Variants in SLC44A5 observed in about 807,000 individuals in gnomAD.
The protein encoded by SLC44A5 is solute carrier family 44 member 5, also known as choline transporter-like protein 5.
In SLC44A5, 57 loss-of-function variants were observed where a neutral mutation model predicts 101.8. The observed-to-expected ratio is 0.56, with a 90% CI of 0.45 to 0.70. SLC44A5 has a LOEUF of 0.70. Among genes scored for constraint, SLC44A5 ranks in the 30% least tolerant of loss-of-function variants. The pLI is 0.00. For missense variants in SLC44A5, 737 were observed against 853.1 expected (o/e 0.86, Z 1.70); for synonymous variants, 281 against 290.9 (o/e 0.97, Z 0.35).
At chr1:75,577,290 C>A (rs1336168118) in intron 1 of SLC44A5, among the ~76,000 whole-genome samples, 1 of 152,218 alleles carries the variant, frequency 6.6e-6, no homozygotes, top group African/African-American at 2.4e-5. Flanking sequence ...TTTTCTCAAA[C>A]CATTCATTAA....
intron 3 of SLC44A5, among the ~76,000 whole-genome samples, chr1:75,388,373 G>C (rs1661544924): frequency 6.6e-6 from 1 of 151,418 alleles, no homozygotes; most frequent in Non-Finnish European, 1.5e-5. Flanking sequence ...TAAGTACATA[G>C]TCCACAGAAC....
the SLC44A5 span, among the ~76,000 whole-genome samples, chr1:75,624,309 A>G: frequency 1.6e-4 from 25 of 152,326 alleles, no homozygotes; most frequent in Non-Finnish European, 2.8e-4. Context: ...AAGAAATGAT[A>G]GAATTACAAA....
At chr1:75,357,966 T>A (rs1049439460) in intron 3 of SLC44A5, among the ~76,000 whole-genome samples, 5 of 151,806 alleles carry the variant, frequency 3.3e-5, no homozygotes, top group African/African-American at 1.2e-4. Context: ...GTTTTTGCAC[T>A]AGTCTGTTTC....
At chr1:75,534,950 ATATTAAAATCACCTC>A (rs1383628170) in intron 2 of SLC44A5, among the ~76,000 whole-genome samples, 1 of 152,214 alleles carries the variant, frequency 6.6e-6, no homozygotes, top group East Asian at 1.9e-4. Context: ...CAGCTTCTAA[ATATTAAAATCACCTC>A]TATAATGCAG....
rs978454141 is a variant in SLC44A5, at chr1:75,329,331, A to G, written c.101+10251T>C. Among the ~76,000 whole-genome samples the G allele has an allele frequency of 2.0e-5, 3 of 152,090 alleles. No individual in the cohort carries two copies. The East Asian group carries it at 5.8e-4, about 29-fold the overall frequency. ...TCTCAGCATCTGACCCCAAGAACCC[A>G]ATCTGCAACACATACCTCCATGAAT... is the stretch of plus-strand genomic sequence containing the variant. On this transcript the variant is annotated intron_variant, in intron 4 of 23. Transcript: ENST00000370859.
At chr1:75,243,052 C>A in intron 7 of SLC44A5, 41 bp from the exon 8 acceptor site, 1 of 1,563,496 alleles carries the variant, frequency 6.4e-7, no homozygotes, top group Non-Finnish European at 8.6e-7. Flanking sequence ...CTGAGTTGAA[C>A]AAACCCAGGA....
chr1:75,230,166 G>A (rs1177022690), intron 12 of SLC44A5, among the ~76,000 whole-genome samples: 2 of 151,974 alleles, frequency 1.3e-5, no homozygotes, highest in Non-Finnish European at 2.9e-5. Flanking sequence ...TCTTCTTCAT[G>A]TATGCCTGGA....
chr1:75,449,551 C>T (rs1665775966), intron 2 of SLC44A5, among the ~76,000 whole-genome samples: 1 of 152,128 alleles, frequency 6.6e-6, no homozygotes, highest in Non-Finnish European at 1.5e-5. Context: ...TCTCCTACAG[C>T]TCTCCCATGC....
chr1:75,569,836 T>TC (rs1672980652), intron 1 of SLC44A5, among the ~76,000 whole-genome samples: 1 of 152,170 alleles, frequency 6.6e-6, no homozygotes, highest in East Asian at 1.9e-4. Context: ...GACCTTGAGA[T>TC]AAGGATTCTA....
At chr1:75,643,629 G>A in the SLC44A5 span, among the ~76,000 whole-genome samples, 1 of 152,160 alleles carries the variant, frequency 6.6e-6, no homozygotes, top group African/African-American at 2.4e-5. Context: ...ATGGGGGCAG[G>A]TTTTTCCCAT....
chr1:75,632,241 C>T, the SLC44A5 span, among the ~76,000 whole-genome samples: 1 of 152,168 alleles, frequency 6.6e-6, no homozygotes, highest in Non-Finnish European at 1.5e-5. Flanking sequence ...TCAGTACAGA[C>T]TTGAGCTCTT....
intron 12 of SLC44A5, among the ~76,000 whole-genome samples, chr1:75,228,405 T>C (rs1473853819): frequency 1.3e-5 from 2 of 152,140 alleles, no homozygotes; most frequent in African/African-American, 4.8e-5. Context: ...TAGTATATTC[T>C]TTCCATCCCT....
chr1:75,463,707 A>G (rs1164996977), intron 2 of SLC44A5, among the ~76,000 whole-genome samples: 2 of 152,212 alleles, frequency 1.3e-5, no homozygotes, highest in Admixed American at 1.3e-4. Flanking sequence ...AAGAAATGTT[A>G]AAGGGAGTAC....
chr1:75,527,603 C>T lies in SLC44A5; in HGVS notation c.13+13832G>A, dbSNP rs563808174. Among the ~76,000 whole-genome samples the T allele has an allele frequency of 3.9e-5, 6 of 152,234 alleles. No homozygotes were observed. In the South Asian group the frequency reaches 1.2e-3, roughly 32 times the overall value. ...TGGCTCTGTATGAGAATTCAGATTT[C>T]TTGATTTCTTTACCACCTATTGATT... On this transcript the variant is annotated intron_variant, in intron 2 of 23. Coordinates refer to ENST00000370859, the MANE Select transcript of SLC44A5 (RefSeq NM_001130058.2).
chr1:75,555,975 C>A (rs1403242465), intron 1 of SLC44A5, among the ~76,000 whole-genome samples: 1 of 151,906 alleles, frequency 6.6e-6, no homozygotes, highest in East Asian at 1.9e-4. Context: ...CAAAAAAGTA[C>A]ACATTATATA....
chr1:75,572,148 T>G (rs568966087), intron 1 of SLC44A5, among the ~76,000 whole-genome samples: 29 of 152,318 alleles, frequency 1.9e-4, no homozygotes, highest in Admixed American at 1.3e-3. Flanking sequence ...AACTTAAGGA[T>G]GTAAGCCATA....
chr1:75,409,861 G>T (rs1305283329), intron 2 of SLC44A5, among the ~76,000 whole-genome samples: 3 of 151,998 alleles, frequency 2.0e-5, no homozygotes, highest in Non-Finnish European at 4.4e-5. Flanking sequence ...GGTTGTTTCA[G>T]AACTTATTCT....
the SLC44A5 span, among the ~76,000 whole-genome samples, chr1:75,705,908 C>G: frequency 6.6e-6 from 1 of 152,152 alleles, no homozygotes; most frequent in Non-Finnish European, 1.5e-5. Context: ...AAACTTCTGG[C>G]CTCAAGTAAT....
the SLC44A5 span, among the ~76,000 whole-genome samples, chr1:75,678,817 C>T: frequency 6.6e-6 from 1 of 152,028 alleles, no homozygotes; most frequent in African/African-American, 2.4e-5. Flanking sequence ...TTACCCTGAG[C>T]TATGGGAGGA....
Sources: gnomAD v4.1 joint callset for allele counts (sites outside exome capture counted in the v4.1 genomes callset) on GRCh38, gnomAD v4.1.1 for gene constraint, MANE v1.5 for transcripts, NCBI Gene and HGNC (gene_info 2026-07-23, HGNC 2026-07-21) for gene names.